Variants in LTN1 observed in about 807,000 individuals in gnomAD.
LTN1 encodes the protein E3 ubiquitin-protein ligase listerin.
In LTN1, 88 loss-of-function variants were observed where a neutral mutation model predicts 201.2. The ratio of observed to expected loss-of-function variants is 0.44; its 90% CI spans 0.37 to 0.52. LTN1 has a LOEUF of 0.52. Ranked by LOEUF, LTN1 falls within the 20% of genes least tolerant of loss-of-function variation. The probability of loss-of-function intolerance (pLI) is 0.00; values close to 1 mark genes in which losing one functional copy is unlikely to be tolerated. For synonymous variants in LTN1, 645 were observed against 713.5 expected (o/e 0.90, Z 1.53); for missense variants, 1,752 against 2,038.7 (o/e 0.86, Z 2.71).
intron 4 of LTN1, 122 bp from the exon 5 acceptor site, chr21:28,982,490 G>T: frequency 1.4e-6 from 1 of 711,758 alleles, no homozygotes; most frequent in Non-Finnish European, 2.4e-6. Context: ...TTACCTAAGA[G>T]CAGAATCAAA....
intron 17 of LTN1, 46 bp from the exon 18 acceptor site, chr21:28,952,310 T>C (rs2084389491): frequency 1.7e-6 from 2 of 1,168,032 alleles, no homozygotes; most frequent in Non-Finnish European, 2.5e-6. Flanking sequence ...GAAAGCATAC[T>C]GAATAAAATG....
At chr21:28,938,406 G>A (rs1426166338) in intron 25 of LTN1, among the ~76,000 whole-genome samples, 2 of 152,152 alleles carry the variant, frequency 1.3e-5, no homozygotes, top group African/African-American at 4.8e-5. Flanking sequence ...AAAGATGTAT[G>A]TAACTTTTTT....
At chr21:28,967,294 T>C (rs1240695980) in intron 9 of LTN1, 115 bp from the exon 10 acceptor site, 1 of 734,562 alleles carries the variant, frequency 1.4e-6, no homozygotes, top group Non-Finnish European at 2.2e-6. Context: ...CATAAGCTAA[T>C]GGGTTGATTG....
intron 9 of LTN1, among the ~76,000 whole-genome samples, chr21:28,968,173 A>C (rs536979819): frequency 6.6e-6 from 1 of 152,332 alleles, no homozygotes; most frequent in South Asian, 2.1e-4. Flanking sequence ...ACAAGAGCTT[A>C]ATGATTTCAC....
Position 28,986,246 on chromosome 21 carries a change from A to C in LTN1, c.247-9T>G, listed in dbSNP as rs770576570. On this transcript the variant is annotated splice_polypyrimidine_tract_variant and intron_variant, in intron 2 of 29. Transcript: ENST00000361371. This position sits in a 1 kb window ranked among gnomAD's most constrained non-coding sequence, Gnocchi z 4.1. ...CCAAATTCCTGCATAGCCTAAAAGTAAGTTATTAACATCATTAGGATTAAC... is the reference window on the plus strand; with the variant it reads ...CCAAATTCCTGCATAGCCTAAAAGTCAGTTATTAACATCATTAGGATTAAC... The C allele has an allele frequency of 6.7e-7, 1 of 1,498,906 alleles. No individual in the cohort carries two copies. The highest frequency in any genetic ancestry group is 1.1e-5 in the South Asian group (1 of 88,200). 92.9% of individuals were successfully genotyped at this position (1,498,906 alleles called of 1,614,324 possible). A position where few individuals can be genotyped will look rare whatever the true frequency, so the allele number is the denominator to read the frequency against.
chr21:28,966,776 G>A lies in LTN1; in HGVS notation c.1715C>T (p.Pro572Leu). ...GCCTGAAGAATTATGAGTGAGAGAA[G>A]GTTCAGTTGTTAATTCCCAGCCTTC... is the stretch of plus-strand genomic sequence containing the variant. Reference protein sequence around the residue: ...KIEGWELTTEPSLTHNSSGLL... With the variant: ...KIEGWELTTELSLTHNSSGLL... Residue 572 changes from proline to leucine, a missense_variant, in exon 10 of 30, where the codon CCT (proline) becomes CTT (leucine). Physicochemically the swap from Pro to Leu is moderately conservative, Grantham distance 98 (BLOSUM62 -3). Coordinates refer to ENST00000361371, the MANE Select transcript of LTN1 (RefSeq NM_015565.3). 1.2e-6 allele frequency: 2 copies of A among 1,613,764 alleles called. No homozygotes were observed. The highest frequency in any genetic ancestry group is 2.7e-5 in the African/African-American group (2 of 74,996).
chr21:28,959,960 A>C (rs1171064087), intron 12 of LTN1: 1 of 288,014 alleles, frequency 3.5e-6, no homozygotes, highest in East Asian at 7.4e-5. Flanking sequence ...GTCATGAGTC[A>C]ACTTTATGAG....
chr21:28,992,437 C>T (rs1441758862), intron 1 of LTN1, among the ~76,000 whole-genome samples: 1 of 152,170 alleles, frequency 6.6e-6, no homozygotes, highest in Non-Finnish European at 1.5e-5. Context: ...TTCTTCCCAG[C>T]GCCGCCCTCC....
Position 28,970,571 on chromosome 21 carries a change from G to A in LTN1, c.1156C>T (p.Leu386Phe), listed in dbSNP as rs2084565575. The A allele has an allele frequency of 1.2e-6, 2 of 1,612,328 alleles. No homozygotes were observed. Among genetic ancestry groups the A allele is most frequent in the African/African-American group, 1.3e-5 (1 of 74,844 alleles). The change falls in exon 8 of 30, where the codon CTC (leucine) becomes TTC (phenylalanine). Residue 386 changes from leucine (L) to phenylalanine (F), a missense_variant. By Grantham distance (22) the Leu-to-Phe change is conservative. Transcript: ENST00000361371. ...ACTTACCCAGCAACTAGAGACGTGA[G>A]GAAATTTTTGAAGAAATCCAACTTT... ...NPKLDFFKNF[L>F]TSLVAGLSTE...
At chr21:28,980,018 C>T (rs1482892436) in intron 6 of LTN1, among the ~76,000 whole-genome samples, 1 of 152,120 alleles carries the variant, frequency 6.6e-6, no homozygotes, top group Non-Finnish European at 1.5e-5. Context: ...CATTTGTGGA[C>T]ATGCATAGAA....
chr21:28,934,279 C>T (rs1341663670), intron 27 of LTN1, among the ~76,000 whole-genome samples: 1 of 152,150 alleles, frequency 6.6e-6, no homozygotes, highest in Non-Finnish European at 1.5e-5. Flanking sequence ...TATTCCAGTA[C>T]AGATTTTGAA....
rs762418618 is a variant in LTN1 at position 28,966,689 on chromosome 21, C to G, written c.1802G>C (p.Ser601Thr). 58 of 1,613,824 alleles carry G rather than the reference C, an allele frequency of 3.6e-5. No individual in the cohort carries two copies. The South Asian group carries it at 6.2e-4, about 17-fold the overall frequency. Residue 601 changes from serine to threonine, a missense_variant, in exon 10 of 30, where the codon AGT becomes ACT. Ser to Thr is a moderately conservative substitution (Grantham distance 58). Coordinates refer to ENST00000361371, the MANE Select transcript of LTN1 (RefSeq NM_015565.3). ...CTTTCGTTCATTGACATAATTAATA[C>G]TTATATCTGCGAGTTTACAGACTAA... ...EDLVCKLADI[S>T]INYVNERKSE... is the part of the protein sequence containing the mutation.
intron 29 of LTN1, 89 bp downstream of exon 29, chr21:28,931,066 G>GGTGTGTGT (rs10608923): frequency 5.1e-4 from 294 of 578,642 alleles, no homozygotes; most frequent in African/African-American, 4.0e-3. Flanking sequence ...ACATTGTGTA[G>GGTGTGTGT]GTGTGTGTGT....
At chr21:28,947,314 C>A (rs1430254683) in intron 19 of LTN1, 150 bp downstream of exon 19, 14 of 558,588 alleles carry the variant, frequency 2.5e-5, no homozygotes, top group Non-Finnish European at 4.0e-5. Flanking sequence ...TGGTAACAGC[C>A]ACTGTCTAAC....
chr21:28,935,069 T>C (rs745881497), intron 27 of LTN1, 40 bp downstream of exon 27: 1 of 1,361,608 alleles, frequency 7.3e-7, no homozygotes, highest in Non-Finnish European at 1.0e-6. Context: ...ATACCCAATA[T>C]TAAAACAACT....
At chr21:28,963,104 A>AAGTAGATGT (rs2084493204) in intron 11 of LTN1, among the ~76,000 whole-genome samples, 1 of 152,362 alleles carries the variant, frequency 6.6e-6, no homozygotes, top group East Asian at 1.9e-4. Context: ...GTGAAGCAGC[A>AAGTAGATGT]AGTGCTGATG....
In LTN1 at chr21:28,959,743, G is replaced by A. The variant is rs775139385; in HGVS notation, c.2354-46C>T. 77 of 1,425,184 alleles carry A rather than the reference G, an allele frequency of 5.4e-5. No homozygotes were observed. In the Admixed American group the frequency reaches 9.7e-4, roughly 18 times the overall value. 88.3% of individuals were successfully genotyped at this position (1,425,184 alleles called of 1,614,324 possible). On this transcript the variant is annotated intron_variant, in intron 12 of 29. Transcript: ENST00000361371. ...ACAGACAAAAAATAAAAATATTAAC[G>A]TGTATTTTTAAATATCTTACTTTGG...
chr21:28,946,425 A>G, intron 19 of LTN1, 138 bp from the exon 20 acceptor site: 1 of 542,970 alleles, frequency 1.8e-6, no homozygotes, highest in South Asian at 3.3e-5. Flanking sequence ...CTTTTATCTA[A>G]GAGTCAACAA....
At chr21:28,933,473 G>A (rs903777727) in intron 27 of LTN1, among the ~76,000 whole-genome samples, 2 of 152,228 alleles carry the variant, frequency 1.3e-5, no homozygotes, top group Admixed American at 6.5e-5. Flanking sequence ...AATGTTCAGT[G>A]GCTGAATTGT....
Sources: allele counts gnomAD v4.1 joint callset (sites outside exome capture counted in the v4.1 genomes callset), GRCh38; gene constraint gnomAD v4.1.1; non-coding constraint Gnocchi (gnomAD v3.1); transcripts MANE v1.5; gene names NCBI Gene and HGNC (gene_info 2026-07-23, HGNC 2026-07-21).